The following CTNND2 variants were observed in gnomAD, a reference collection of about 807,000 sequenced individuals.
CTNND2 encodes the protein catenin delta-2.
CTNND2 carries 22 observed loss-of-function variants against 144.4 expected under a neutral mutation model. The observed-to-expected ratio is 0.15, with a 90% CI of 0.11 to 0.22. CTNND2 has a LOEUF of 0.22. CTNND2 is among the 10% of genes least tolerant of loss of function. The pLI is 1.00. For missense variants in CTNND2, 1,353 were observed against 1,618.8 expected, an observed-to-expected ratio of 0.84 and a Z score of 2.82; for synonymous variants, 751 against 695.6, an observed-to-expected ratio of 1.08 and a Z score of -1.25.
chr5:11,166,777 T>C (rs576835827), intron 11 of CTNND2, among the ~76,000 whole-genome samples: 1 of 152,260 alleles, frequency 6.6e-6, no homozygotes, highest in East Asian at 1.9e-4. Flanking sequence ...AGTATTTGGA[T>C]GCATATAAAC....
chr5:11,096,790 A>C (rs2149663081), intron 15 of CTNND2, among the ~76,000 whole-genome samples: 1 of 147,752 alleles, frequency 6.8e-6, no homozygotes, highest in South Asian at 2.2e-4. Flanking sequence ...GGAGGGAGGA[A>C]GAGAGAGAGA....
At chr5:11,653,353 T>A (rs1056606927) in intron 2 of CTNND2, among the ~76,000 whole-genome samples, 1 of 152,080 alleles carries the variant, frequency 6.6e-6, no homozygotes, top group African/African-American at 2.4e-5. Flanking sequence ...CAATTTTCAG[T>A]CTCATGATGA....
At chr5:11,312,064 TTA>T (rs1751001340) in intron 9 of CTNND2, among the ~76,000 whole-genome samples, 1 of 93,692 alleles carries the variant, frequency 1.1e-5, no homozygotes, top group Non-Finnish European at 2.5e-5. Flanking sequence ...CCATACACCC[TTA>T]CCCCATACAT....
intron 1 of CTNND2, among the ~76,000 whole-genome samples, chr5:11,831,560 C>T (rs1013890613): frequency 6.6e-6 from 1 of 150,818 alleles, no homozygotes; most frequent in East Asian, 2.0e-4. Context: ...CCCAGCTACT[C>T]GGGAGGCTGA....
intron 1 of CTNND2, among the ~76,000 whole-genome samples, chr5:11,812,932 T>C (rs1357656208): frequency 2.6e-5 from 4 of 152,236 alleles, no homozygotes; most frequent in Middle Eastern, 3.4e-3. Context: ...GCCTGCTTTG[T>C]GTATGCAAAA....
At chr5:11,232,263 G>T (rs1741113605) in intron 10 of CTNND2, among the ~76,000 whole-genome samples, 1 of 152,190 alleles carries the variant, frequency 6.6e-6, no homozygotes, top group African/African-American at 2.4e-5. Flanking sequence ...TGAGAAGAGG[G>T]TCACCATCCT....
intron 11 of CTNND2, among the ~76,000 whole-genome samples, chr5:11,196,211 G>A (rs952150779): frequency 6.6e-6 from 1 of 152,142 alleles, no homozygotes; most frequent in African/African-American, 2.4e-5. Context: ...TGGATATACA[G>A]CTAGGTCTAA....
At chr5:11,012,285 T>C (rs1157510933) in intron 18 of CTNND2, among the ~76,000 whole-genome samples, 1 of 152,026 alleles carries the variant, frequency 6.6e-6, no homozygotes, top group East Asian at 1.9e-4. Flanking sequence ...TGAAAGGCCA[T>C]GAAGGTTCTT....
chr5:11,053,379 G>A (rs983986676), intron 16 of CTNND2, among the ~76,000 whole-genome samples: 6 of 152,228 alleles, frequency 3.9e-5, no homozygotes, highest in Admixed American at 6.5e-5. Context: ...TACTGAAGAG[G>A]GAATTCAACT....
At chr5:11,546,959 T>G (rs1008130428) in intron 3 of CTNND2, among the ~76,000 whole-genome samples, 3 of 151,930 alleles carry the variant, frequency 2.0e-5, no homozygotes, top group Non-Finnish European at 2.9e-5. Context: ...TGCGAAAAAA[T>G]CAATGAAAAA....
intron 10 of CTNND2, among the ~76,000 whole-genome samples, chr5:11,208,406 A>C (rs1738275566): frequency 6.6e-6 from 1 of 152,178 alleles, no homozygotes; most frequent in Non-Finnish European, 1.5e-5. Flanking sequence ...AAAATAGAGA[A>C]TTATGGAAAG....
At chr5:11,894,772 T>C (rs1737263841) in intron 1 of CTNND2, among the ~76,000 whole-genome samples, 1 of 152,184 alleles carries the variant, frequency 6.6e-6, no homozygotes, top group Non-Finnish European at 1.5e-5. Context: ...AAGCACGATT[T>C]AGATCCCAGA....
chr5:11,530,950 T>C (rs982124689), intron 3 of CTNND2, among the ~76,000 whole-genome samples: 7 of 152,176 alleles, frequency 4.6e-5, no homozygotes, highest in African/African-American at 7.2e-5. Context: ...GTTTACACTG[T>C]AGTATCTTTA....
At chr5:11,887,181 A>C (rs902522761) in intron 1 of CTNND2, among the ~76,000 whole-genome samples, 1 of 151,848 alleles carries the variant, frequency 6.6e-6, no homozygotes, top group African/African-American at 2.4e-5. Context: ...GATGGGGTTT[A>C]ACCATGTTAG....
At chr5:11,782,938 T>C (rs1256384589) in intron 1 of CTNND2, among the ~76,000 whole-genome samples, 1 of 152,196 alleles carries the variant, frequency 6.6e-6, no homozygotes, top group Non-Finnish European at 1.5e-5. Context: ...TGAAAGGACA[T>C]AACAAGTTCT....
intron 16 of CTNND2, among the ~76,000 whole-genome samples, chr5:11,070,231 A>G (rs980787724): frequency 3.9e-5 from 6 of 152,206 alleles, no homozygotes; most frequent in Admixed American, 1.3e-4. Context: ...GACAACATGC[A>G]TGAAAAAAAT....
chr5:11,218,170 C>A (rs531306777), intron 10 of CTNND2, among the ~76,000 whole-genome samples: 2 of 151,878 alleles, frequency 1.3e-5, no homozygotes, highest in Admixed American at 6.6e-5. Flanking sequence ...CTTCAGGATC[C>A]AAGGAGTTGT....
At chr5:11,548,937 CATA>C (rs1368539320) in intron 3 of CTNND2, among the ~76,000 whole-genome samples, 1 of 152,198 alleles carries the variant, frequency 6.6e-6, no homozygotes, top group Non-Finnish European at 1.5e-5. Context: ...ATTAGCCAAA[CATA>C]ATAACTGTTT....
At chr5:11,026,019 G>A (rs1742782249) in intron 16 of CTNND2, among the ~76,000 whole-genome samples, 1 of 152,150 alleles carries the variant, frequency 6.6e-6, no homozygotes, top group Admixed American at 6.5e-5. Flanking sequence ...CCATCAAGGT[G>A]GTCAAATTGT....
Sources: allele counts gnomAD v4.1 joint callset (sites outside exome capture counted in the v4.1 genomes callset), GRCh38; gene constraint gnomAD v4.1.1; transcripts MANE v1.5; gene names NCBI Gene and HGNC (gene_info 2026-07-23, HGNC 2026-07-21).